The following CNTLN variants were observed in gnomAD, a reference collection of about 807,000 sequenced individuals.
CNTLN encodes the protein centlein, centrosomal protein.
Under a neutral mutation model 180.0 loss-of-function variants are expected in CNTLN, and 212 were observed. The ratio of observed to expected loss-of-function variants is 1.18; its 90% CI spans 1.05 to 1.32. The LOEUF (loss-of-function observed/expected upper bound fraction) is 1.32, where lower values mean the gene tolerates loss of function less well. CNTLN is among the 40% of genes most tolerant of loss of function. The probability of loss-of-function intolerance (pLI) is 0.00; values close to 1 mark genes in which losing one functional copy is unlikely to be tolerated. For synonymous variants in CNTLN, 722 were observed against 563.1 expected, an observed-to-expected ratio of 1.28 and a Z score of -3.99; for missense variants, 2,095 against 1,610.9, an observed-to-expected ratio of 1.30 and a Z score of -5.14.
At chr9:17,237,741 A>G (rs1825246483) in intron 5 of CNTLN, among the ~76,000 whole-genome samples, 2 of 151,910 alleles carry the variant, frequency 1.3e-5, no homozygotes, top group African/African-American at 2.4e-5. Flanking sequence ...GGTAATATGT[A>G]TGGATATATG....
chr9:17,429,040 TATC>T (rs1829256062), intron 18 of CNTLN, among the ~76,000 whole-genome samples: 1 of 152,052 alleles, frequency 6.6e-6, no homozygotes, highest in South Asian at 2.1e-4. Flanking sequence ...GCTCTAGAAA[TATC>T]ATCAGATATT....
chr9:17,196,383 TCA>T (rs1457446165), intron 2 of CNTLN, among the ~76,000 whole-genome samples: 5 of 152,172 alleles, frequency 3.3e-5, no homozygotes, highest in Non-Finnish European at 7.3e-5. Flanking sequence ...ACCTCAGTTT[TCA>T]CATCTTTAAA....
intron 5 of CNTLN, among the ~76,000 whole-genome samples, chr9:17,253,419 G>A (rs1826276019): frequency 6.6e-6 from 1 of 151,448 alleles, no homozygotes; most frequent in Non-Finnish European, 1.5e-5. Flanking sequence ...TTTCTTGTTT[G>A]TGTCCTCTTC....
chr9:17,152,769 C>T (rs1221659393), intron 2 of CNTLN, among the ~76,000 whole-genome samples: 1 of 152,158 alleles, frequency 6.6e-6, no homozygotes, highest in African/African-American at 2.4e-5. Context: ...GTGTCAAACT[C>T]ACCCACTATT....
chr9:17,502,528 T>C lies in CNTLN; in HGVS notation c.4120-23T>C, dbSNP rs778942684. 14 of 1,094,454 alleles carry C rather than the reference T, an allele frequency of 1.3e-5. No homozygotes were observed. The African/African-American group carries it at 1.6e-4, about 13-fold the overall frequency. The allele number at this position is 1,094,454 out of a possible 1,614,324, so 67.8% of individuals were successfully genotyped here. ...TGAAGAAAATATAGAGTTTTAATAA[T>C]CTTTTTTGTGTTTCTTTTACAGCTT... On this transcript the variant is annotated intron_variant, in intron 25 of 25. Coordinates refer to ENST00000380647, the MANE Select transcript of CNTLN (RefSeq NM_017738.4).
chr9:17,486,141 AT>A (rs1832877527), intron 24 of CNTLN, among the ~76,000 whole-genome samples: 1 of 152,142 alleles, frequency 6.6e-6, no homozygotes, highest in Admixed American at 6.6e-5. Flanking sequence ...ATTTAGACTG[AT>A]CCTGTCATCT....
At chr9:17,323,041 A>C (rs2133052930) in intron 8 of CNTLN, among the ~76,000 whole-genome samples, 1 of 152,224 alleles carries the variant, frequency 6.6e-6, no homozygotes, top group East Asian at 1.9e-4. Context: ...TTTATGGCTC[A>C]AGTGGTTTCA....
In CNTLN at chr9:17,466,003, G is replaced by A; in HGVS notation, c.3554G>A (p.Cys1185Tyr). 3 of 1,603,854 alleles carry A rather than the reference G, an allele frequency of 1.9e-6. No homozygotes were observed. Residue 1185 changes from cysteine (C) to tyrosine (Y), a missense_variant, in exon 22 of 26, where the codon TGT becomes TAT. Coordinates refer to ENST00000380647, the MANE Select transcript of CNTLN (RefSeq NM_017738.4). Reference sequence around the variant, plus strand: ...TAGGTAAAGACATTAACTGAAGAATGTTCCAACAAGAAGGTATCAATTGAT... The same window carrying A: ...TAGGTAAAGACATTAACTGAAGAATATTCCAACAAGAAGGTATCAATTGAT... ...DKKVKTLTEE[C>Y]SNKKVSIDSL...
chr9:17,195,422 T>C (rs1215547230), intron 2 of CNTLN, among the ~76,000 whole-genome samples: 1 of 151,746 alleles, frequency 6.6e-6, no homozygotes, highest in African/African-American at 2.4e-5. Flanking sequence ...AAGACTATTG[T>C]TTTTTTCCTT....
Position 17,462,992 on chromosome 9 carries a change from A to G in CNTLN, c.3383A>G (p.His1128Arg). The G allele has an allele frequency of 1.3e-6, 2 of 1,583,878 alleles. No individual in the cohort carries two copies. The highest frequency in any genetic ancestry group is 1.7e-6 in the Non-Finnish European group (2 of 1,166,964). ...LKFELLAKEE[H>R]IKEMHEKISR... ...TTTGAACTCCTAGCAAAAGAAGAACACATAAAGGAAATGCATGAAAAGTAT... is the reference window on the plus strand; with the variant it reads ...TTTGAACTCCTAGCAAAAGAAGAACGCATAAAGGAAATGCATGAAAAGTAT... The change falls in exon 20 of 26, where the codon CAC becomes CGC. Residue 1128 changes from histidine (H) to arginine (R), a missense_variant. By Grantham distance (29) the His-to-Arg change is conservative. Coordinates refer to ENST00000380647, the MANE Select transcript of CNTLN (RefSeq NM_017738.4).
At chr9:17,475,592 G>A (rs1277002027) in intron 23 of CNTLN, among the ~76,000 whole-genome samples, 1 of 151,974 alleles carries the variant, frequency 6.6e-6, no homozygotes, top group Non-Finnish European at 1.5e-5. Context: ...GAAGATAGGG[G>A]CCGGGCACAG....
At chr9:17,388,102 G>GA (rs1391738771) in intron 13 of CNTLN, 60 bp from the exon 14 acceptor site, 1 of 1,065,926 alleles carries the variant, frequency 9.4e-7, no homozygotes, top group Admixed American at 2.2e-5. Context: ...TTCTTAAAAT[G>GA]ACAGGACAGT....
At chr9:17,262,455 C>G (rs1004444952) in intron 5 of CNTLN, among the ~76,000 whole-genome samples, 1 of 151,404 alleles carries the variant, frequency 6.6e-6, no homozygotes, top group African/African-American at 2.5e-5. Flanking sequence ...AGCTATCATC[C>G]TCAGCAAACT....
chr9:17,493,866 C>T (rs1251401569), intron 25 of CNTLN, among the ~76,000 whole-genome samples: 1 of 152,166 alleles, frequency 6.6e-6, no homozygotes, highest in Non-Finnish European at 1.5e-5. Context: ...CTTATATTGA[C>T]CAGAACTCTC....
rs199723255 is a variant in CNTLN, at chr9:17,288,919, G to C, written c.984-9271G>C. On this transcript the variant is annotated intron_variant, in intron 6 of 25. Transcript: ENST00000380647. ...ATGTGTGTCTCTGCACGTGAGATGG[G>C]TTTCCTGAATACAGCACACTGATGG... Among the ~76,000 whole-genome samples the C allele has an allele frequency of 0.023, 2,659 of 114,392 alleles. 487 individuals are homozygous for C. The East Asian group carries it at 0.28, about 12-fold the overall frequency. 75.0% of individuals were successfully genotyped at this position (114,392 alleles called of 152,430 possible).
At chr9:17,523,864 C>T in the CNTLN span, among the ~76,000 whole-genome samples, 3 of 152,200 alleles carry the variant, frequency 2.0e-5, no homozygotes, top group Non-Finnish European at 4.4e-5. Context: ...TTAAGGAGCA[C>T]TCATCAGTTG....
chr9:17,349,380 A>G (rs1203375964), intron 12 of CNTLN, among the ~76,000 whole-genome samples: 1 of 152,114 alleles, frequency 6.6e-6, no homozygotes, highest in Non-Finnish European at 1.5e-5. Context: ...TTTTTCTGCA[A>G]TAATGTTTCT....
chr9:17,514,412 A>G, the CNTLN span, among the ~76,000 whole-genome samples: 3 of 152,310 alleles, frequency 2.0e-5, no homozygotes, highest in Admixed American at 2.0e-4. Context: ...GCAGGACCAG[A>G]TGACTTTATC....
intron 23 of CNTLN, among the ~76,000 whole-genome samples, chr9:17,476,562 A>C (rs771056940): frequency 6.6e-6 from 1 of 152,242 alleles, no homozygotes; most frequent in Non-Finnish European, 1.5e-5. Flanking sequence ...ATGAATACAC[A>C]AATGATAAGA....
Sources: gnomAD v4.1 joint callset for allele counts (sites outside exome capture counted in the v4.1 genomes callset) on GRCh38, gnomAD v4.1.1 for gene constraint, MANE v1.5 for transcripts, NCBI Gene and HGNC (gene_info 2026-07-23, HGNC 2026-07-21) for gene names.